OR56A3: variants seen among roughly 807,000 people sequenced by gnomAD.
OR56A3 encodes the protein olfactory receptor 56A3.
A neutral mutation model predicts 17.5 loss-of-function variants in OR56A3; 23 were observed. That is an observed-to-expected ratio of 1.32 (90% CI 0.95 to 1.87). The LOEUF is 1.87. OR56A3 is among the 40% of genes most tolerant of loss of function. The pLI is 0.00. For missense variants in OR56A3, 366 were observed against 380.1 expected, an observed-to-expected ratio of 0.96 and a Z score of 0.31; for synonymous variants, 175 against 150.6, an observed-to-expected ratio of 1.16 and a Z score of -1.19.
the OR56A3 span, among the ~76,000 whole-genome samples, chr11:5,961,172 T>TG: frequency 5.3e-5 from 8 of 149,688 alleles, no homozygotes; most frequent in Non-Finnish European, 8.9e-5. Flanking sequence ...GTCTGGGAGG[T>TG]GGGGGGCCCC....
the OR56A3 span, chr11:5,993,955 G>A: frequency 2.3e-6 from 1 of 443,080 alleles, no homozygotes; most frequent in Non-Finnish European, 4.4e-6. Context: ...TCTTTTGAAT[G>A]GTTCGCATGG....
At chr11:5,981,072 C>T in the OR56A3 span, among the ~76,000 whole-genome samples, 1 of 152,108 alleles carries the variant, frequency 6.6e-6, no homozygotes, top group African/African-American at 2.4e-5. Context: ...TGGCCTGCCT[C>T]TTCTTTCTAG....
the OR56A3 span, among the ~76,000 whole-genome samples, chr11:5,992,573 G>A: frequency 1.3e-5 from 2 of 152,182 alleles, 1 homozygote; most frequent in South Asian, 4.1e-4. Flanking sequence ...AATGCTGCCT[G>A]CCTCAGGTGA....
the OR56A3 span, chr11:5,986,611 G>C: frequency 6.2e-7 from 1 of 1,613,800 alleles, no homozygotes; most frequent in Non-Finnish European, 8.5e-7. Context: ...AATCTCGTGG[G>C]CATGAACCAG....
chr11:6,001,126 A>T, the OR56A3 span: 2 of 152,336 alleles, frequency 1.3e-5, no homozygotes, highest in South Asian at 4.1e-4. Flanking sequence ...GTGAAAAACA[A>T]ACCTAGAACT....
At chr11:5,993,305 CATT>C in the OR56A3 span, among the ~76,000 whole-genome samples, 1 of 152,126 alleles carries the variant, frequency 6.6e-6, no homozygotes, top group African/African-American at 2.4e-5. Flanking sequence ...ATCAAAATCT[CATT>C]AGCAAAATAT....
At position 5,947,591 on chromosome 11, in the gene OR56A3, TC is replaced by T; in HGVS notation, c.249del (p.Lys84ArgfsTer3). 1.2e-6 allele frequency: 2 copies of T among 1,614,192 alleles called. No individual in the cohort carries two copies. The highest frequency in any genetic ancestry group is 1.7e-6 in the Non-Finnish European group (2 of 1,180,032). On this transcript the variant is annotated frameshift_variant, in exon 3 of 3. Transcript: ENST00000641160. LOFTEE classifies it high-confidence loss of function. Reference sequence around the variant, plus strand: ...GACATCGTGCTCTGCCTCACTGTCATCCCCAAGGTCCTGACCATCTTCTGGT... The same window carrying T: ...GACATCGTGCTCTGCCTCACTGTCATCCCAAGGTCCTGACCATCTTCTGGT... ...LLDIVLCLTV[I>X]PKVLTIFWFD...
the OR56A3 span, among the ~76,000 whole-genome samples, chr11:6,010,732 T>C: frequency 1.3e-5 from 2 of 152,164 alleles, no homozygotes; most frequent in Admixed American, 6.5e-5. Flanking sequence ...CCCCTTGGGA[T>C]TCCCCAGACC....
chr11:5,995,264 C>A, the OR56A3 span, among the ~76,000 whole-genome samples: 16 of 152,174 alleles, frequency 1.1e-4, no homozygotes, highest in Non-Finnish European at 1.5e-5. Context: ...TTGTATTATT[C>A]ATTCTTTTTG....
chr11:5,994,755 T>G, the OR56A3 span: 2 of 773,096 alleles, frequency 2.6e-6, no homozygotes, highest in South Asian at 2.7e-5. Context: ...ATCTGAGCCC[T>G]CTGGTCCTCA....
the OR56A3 span, chr11:5,968,524 C>G: frequency 6.2e-6 from 9 of 1,449,828 alleles, no homozygotes; most frequent in Non-Finnish European, 8.5e-6. Flanking sequence ...GAAAATTTCA[C>G]CTGAAATTGT....
At chr11:5,978,700 C>A in the OR56A3 span, among the ~76,000 whole-genome samples, 2 of 151,822 alleles carry the variant, frequency 1.3e-5, no homozygotes, top group Non-Finnish European at 2.9e-5. Context: ...ATTTAGATGC[C>A]TTTTCTTTCT....
chr11:6,015,186 T>C, the OR56A3 span, among the ~76,000 whole-genome samples: 1 of 151,578 alleles, frequency 6.6e-6, no homozygotes, highest in African/African-American at 2.4e-5. Context: ...CCCAAGACAA[T>C]GGGGAAAAAA....
the OR56A3 span, among the ~76,000 whole-genome samples, chr11:6,009,043 G>A: frequency 6.6e-6 from 1 of 152,130 alleles, no homozygotes; most frequent in African/African-American, 2.4e-5. Flanking sequence ...TACCCCTAAT[G>A]AAGATATGTT....
At chr11:6,005,494 G>C in the OR56A3 span, among the ~76,000 whole-genome samples, 7 of 152,142 alleles carry the variant, frequency 4.6e-5, no homozygotes, top group Non-Finnish European at 8.8e-5. Context: ...TCTGTCTGAT[G>C]GTAGGCATTG....
chr11:5,986,715 G>A, the OR56A3 span: 2 of 1,613,962 alleles, frequency 1.2e-6, no homozygotes, highest in Non-Finnish European at 1.7e-6. Flanking sequence ...ATTGGTGCAA[G>A]GATGGGTCCA....
At chr11:5,966,952 T>A in the OR56A3 span, among the ~76,000 whole-genome samples, 1 of 146,072 alleles carries the variant, frequency 6.8e-6, no homozygotes, top group African/African-American at 2.6e-5. Flanking sequence ...GATGTAAAAA[T>A]CACTAGGAAA....
the OR56A3 span, among the ~76,000 whole-genome samples, chr11:5,958,543 A>T: frequency 6.6e-6 from 1 of 152,168 alleles, no homozygotes; most frequent in African/African-American, 2.4e-5. Context: ...GTACAACAGG[A>T]TGTTTTGAAG....
the OR56A3 span, among the ~76,000 whole-genome samples, chr11:6,008,511 C>T: frequency 1.2e-3 from 187 of 152,084 alleles, 1 homozygote; most frequent in African/African-American, 4.4e-3. Context: ...ACTCTCAGAT[C>T]ATGGGAAGGT....
Sources: gnomAD v4.1 joint callset for allele counts (sites outside exome capture counted in the v4.1 genomes callset) on GRCh38, gnomAD v4.1.1 for gene constraint, MANE v1.5 for transcripts, NCBI Gene and HGNC (gene_info 2026-07-23, HGNC 2026-07-21) for gene names.